POTEE: variants seen among roughly 807,000 people sequenced by gnomAD.
POTEE encodes POTE ankyrin domain family member E.
In POTEE, 21 loss-of-function variants were observed where a neutral mutation model predicts 74.2. The ratio of observed to expected loss-of-function variants is 0.28; its 90% confidence interval spans 0.20 to 0.41. The LOEUF is 0.41. POTEE is among the 10% of genes least tolerant of loss of function. The pLI is 1.00. For synonymous variants in POTEE, 211 were observed against 432.8 expected, an observed-to-expected ratio of 0.49 and a Z score of 6.36; for missense variants, 525 against 1,158.6, an observed-to-expected ratio of 0.45 and a Z score of 7.94.
intron 4 of POTEE, among the ~76,000 whole-genome samples, chr2:131,222,719 A>G (rs1700660890): frequency 6.6e-6 from 1 of 152,250 alleles, no homozygotes; most frequent in South Asian, 2.1e-4. Flanking sequence ...AGCCCATGCT[A>G]TTCATTTGAA....
intron 13 of POTEE, among the ~76,000 whole-genome samples, chr2:131,246,273 TCTG>T (rs1486768691): frequency 8.3e-6 from 1 of 121,066 alleles, no homozygotes; most frequent in Non-Finnish European, 1.7e-5. Flanking sequence ...AAGAAGGTGC[TCTG>T]CTACCATTTG....
intron 9 of POTEE, among the ~76,000 whole-genome samples, chr2:131,231,925 T>C (rs993234169): frequency 3.9e-5 from 6 of 152,142 alleles, no homozygotes; most frequent in African/African-American, 1.4e-4. Context: ...TTTTATAAGT[T>C]GCAGGAGACA....
chr2:131,262,829 G>A (rs1427891465), intron 17 of POTEE, among the ~76,000 whole-genome samples: 9 of 152,290 alleles, frequency 5.9e-5, no homozygotes, highest in Non-Finnish European at 1.2e-4. Context: ...AGAAATATTA[G>A]AAATGTAGAA....
At chr2:131,243,725 G>T (rs1271736015) in intron 12 of POTEE, among the ~76,000 whole-genome samples, 2 of 135,404 alleles carry the variant, frequency 1.5e-5, no homozygotes, top group African/African-American at 2.6e-5. Context: ...AAAATTAACC[G>T]GGTGTGGCAG....
At chr2:131,231,519 A>G (rs1344112657) in intron 9 of POTEE, among the ~76,000 whole-genome samples, 1 of 152,040 alleles carries the variant, frequency 6.6e-6, no homozygotes, top group African/African-American at 2.4e-5. Flanking sequence ...TTTGATCACA[A>G]AAGAACACTG....
chr2:131,212,673 T>A (rs1700383235), intron 2 of POTEE, among the ~76,000 whole-genome samples: 1 of 149,772 alleles, frequency 6.7e-6, no homozygotes, highest in African/African-American at 2.5e-5. Flanking sequence ...CAAGCAAGTC[T>A]CCTGCCTCAG....
chr2:131,211,535 T>TGTGTGTGTGTGTGTGTGTGA (rs1700357719), intron 2 of POTEE, among the ~76,000 whole-genome samples: 1 of 86,170 alleles, frequency 1.2e-5, no homozygotes, highest in Non-Finnish European at 2.6e-5. Flanking sequence ...TGTGTGTGTG[T>TGTGTGTGTGTGTGTGTGTGA]GTGTGGCTTT....
At chr2:131,210,336 G>A (rs1351935378) in intron 1 of POTEE, among the ~76,000 whole-genome samples, 1 of 135,442 alleles carries the variant, frequency 7.4e-6, no homozygotes, top group South Asian at 2.5e-4. Context: ...GGGGTGGTTG[G>A]GGGGGGGTAT....
At position 131,218,348 on chromosome 2, in the gene POTEE, G is replaced by GT. The variant is rs1053003028; in HGVS notation, c.-53dup. ...AGTTACCTGCTAGTTGGTGAAACTG[G>GT]TTGGTAGACGCGATCTGTTGGCTAC... On this transcript the variant is annotated 5_prime_UTR_variant, in exon 4 of 18. Coordinates refer to ENST00000683005, the MANE Select transcript of POTEE (RefSeq NM_001083538.3). 6.2e-7 allele frequency: 1 copy of GT among 1,606,716 alleles called. No homozygotes were observed. The highest frequency in any genetic ancestry group is 1.3e-5 in the African/African-American group (1 of 74,606).
chr2:131,225,001 T>C (rs574547200), intron 6 of POTEE, among the ~76,000 whole-genome samples: 2 of 152,198 alleles, frequency 1.3e-5, no homozygotes, highest in South Asian at 2.1e-4. Context: ...GGGAAAATCA[T>C]GTGGTGTTTT....
chr2:131,218,123 T>G, intron 3 of POTEE, 187 bp from the exon 4 acceptor site: 11 of 583,246 alleles, frequency 1.9e-5, no homozygotes, highest in East Asian at 3.3e-5. Context: ...GGGCTGGGTG[T>G]TTTCTTGGGG....
intron 4 of POTEE, among the ~76,000 whole-genome samples, chr2:131,221,826 A>G (rs1159931612): frequency 1.3e-5 from 2 of 152,238 alleles, no homozygotes; most frequent in African/African-American, 4.8e-5. Flanking sequence ...ACTATTGCAA[A>G]TGTATTGCAT....
chr2:131,229,133 A>C (rs1483013033), intron 8 of POTEE, among the ~76,000 whole-genome samples: 1 of 151,646 alleles, frequency 6.6e-6, no homozygotes. Context: ...TCAGAACCTA[A>C]TGTGGAACCC....
At chr2:131,258,479 T>C (rs1701621608) in intron 16 of POTEE, among the ~76,000 whole-genome samples, 1 of 141,062 alleles carries the variant, frequency 7.1e-6, no homozygotes, top group African/African-American at 2.6e-5. Flanking sequence ...TCTTTGTCAG[T>C]TCATGTATGT....
intron 4 of POTEE, among the ~76,000 whole-genome samples, chr2:131,222,121 C>T (rs1271502353): frequency 5.3e-5 from 8 of 152,290 alleles, no homozygotes; most frequent in African/African-American, 1.4e-4. Context: ...TAAAAGACAA[C>T]CCTTAACTGC....
chr2:131,218,378 G>A lies in POTEE; in HGVS notation c.-25G>A, dbSNP rs777574165. ...TAGACGCGATCTGTTGGCTACTACT[G>A]GCTTCTCCTGGCTGTTAAAAGCAGA... is the stretch of plus-strand genomic sequence containing the variant. On this transcript the variant is annotated 5_prime_UTR_variant, in exon 4 of 18. Coordinates refer to ENST00000683005, the MANE Select transcript of POTEE (RefSeq NM_001083538.3). 4 of 1,611,806 alleles carry A rather than the reference G, an allele frequency of 2.5e-6. No individual in the cohort carries two copies. The highest frequency in any genetic ancestry group is 1.7e-5 in the Admixed American group (1 of 60,010).
rs1224610732 is a variant in POTEE at position 131,217,584 on chromosome 2, A to T, written c.-188-5A>T. Among the ~76,000 whole-genome samples the T allele has an allele frequency of 7.1e-6, 1 of 140,574 alleles. No individual in the cohort carries two copies. The allele number at this position is 140,574 out of a possible 152,430, so 92.2% of individuals were successfully genotyped here. A position where few individuals can be genotyped will look rare whatever the true frequency, so the allele number is the denominator to read the frequency against. ...CCTTTAAGAGGCTTTTTTTTTTTTC[A>T]CCAGAGGCTTCTCAGTGGCTTGAAA... is the stretch of plus-strand genomic sequence containing the variant. On this transcript the variant is annotated splice_polypyrimidine_tract_variant and splice_region_variant and intron_variant, in intron 2 of 17. Coordinates refer to ENST00000683005, the MANE Select transcript of POTEE (RefSeq NM_001083538.3).
chr2:131,226,845 T>A lies in POTEE; in HGVS notation c.833T>A (p.Leu278His). The change falls in exon 7 of 18, where the codon CTT (leucine) becomes CAT (histidine). Residue 278 changes from leucine (L) to histidine (H), a missense_variant. By Grantham distance (99) the Leu-to-His change is moderately conservative. Transcript: ENST00000683005. ...KNKHGLTPLL[L>H]GVHEQKQQVV... ...CAGCATGGCCTCACACCACTGTTACTTGGTGTACATGAGCAAAAACAGCAA... is the reference window on the plus strand; with the variant it reads ...CAGCATGGCCTCACACCACTGTTACATGGTGTACATGAGCAAAAACAGCAA... The A allele has an allele frequency of 6.2e-7, 1 of 1,611,808 alleles. No individual in the cohort carries two copies. The highest frequency in any genetic ancestry group is 8.5e-7 in the Non-Finnish European group (1 of 1,179,676).
intron 8 of POTEE, 59 bp from the exon 9 acceptor site, chr2:131,230,777 A>T: frequency 1.3e-6 from 2 of 1,569,780 alleles, no homozygotes; most frequent in Non-Finnish European, 1.7e-6. Flanking sequence ...TACATTTGGT[A>T]AGTTTTTTTT....
Sources: gnomAD v4.1 joint callset for allele counts (sites outside exome capture counted in the v4.1 genomes callset) on GRCh38, gnomAD v4.1.1 for gene constraint, MANE v1.5 for transcripts, NCBI Gene and HGNC (gene_info 2026-07-23, HGNC 2026-07-21) for gene names.